Variants in RIPK2 observed in about 807,000 individuals in gnomAD.
RIPK2 encodes receptor-interacting serine/threonine-protein kinase 2.
Under a neutral mutation model 60.9 loss-of-function variants are expected in RIPK2, and 38 were observed. The observed-to-expected ratio is 0.62, with a 90% CI of 0.48 to 0.82. The LOEUF (loss-of-function observed/expected upper bound fraction) is 0.82, where lower values mean the gene tolerates loss of function less well. Among genes scored for constraint, RIPK2 ranks in the 40% least tolerant of loss-of-function variants. RIPK2 has a pLI of 0.00. For missense variants in RIPK2, 518 were observed against 647.0 expected (o/e 0.80, Z 2.16); for synonymous variants, 225 against 223.4 (o/e 1.01, Z -0.06).
chr8:89,781,735 A>T (rs543054691), intron 7 of RIPK2, among the ~76,000 whole-genome samples: 11 of 152,202 alleles, frequency 7.2e-5, no homozygotes, highest in African/African-American at 2.4e-4. Context: ...GTAGCACTGA[A>T]CCCTATGTAT....
chr8:89,778,034 G>A (rs1354751007), intron 6 of RIPK2, among the ~76,000 whole-genome samples: 2 of 151,670 alleles, frequency 1.3e-5, no homozygotes, highest in African/African-American at 4.8e-5. Flanking sequence ...CAAACCTACT[G>A]AAAAGAAATG....
chr8:89,786,032 C>T (rs548778109), intron 8 of RIPK2, among the ~76,000 whole-genome samples: 276 of 152,228 alleles, frequency 1.8e-3, no homozygotes, highest in Middle Eastern at 0.017. Flanking sequence ...CATCTGAGAT[C>T]GTGTAGAAAA....
At chr8:89,767,466 C>T (rs1706621280) in intron 3 of RIPK2, among the ~76,000 whole-genome samples, 4 of 151,658 alleles carry the variant, frequency 2.6e-5, no homozygotes, top group South Asian at 4.1e-4. Context: ...AGACACTCCT[C>T]TCCTTAGAAT....
intron 1 of RIPK2, among the ~76,000 whole-genome samples, chr8:89,760,792 G>A (rs1002441933): frequency 6.6e-6 from 1 of 152,214 alleles, no homozygotes; most frequent in African/African-American, 2.4e-5. Context: ...TAGGGTCACA[G>A]TGGAAAGAAG....
At chr8:89,780,194 A>C in intron 7 of RIPK2, 34 bp downstream of exon 7, 1 of 1,083,968 alleles carries the variant, frequency 9.2e-7, no homozygotes, top group Non-Finnish European at 1.4e-6. Context: ...GAAATTAGAA[A>C]TTTAAACAAC....
intron 2 of RIPK2, 50 bp from the exon 3 acceptor site, chr8:89,765,291 A>T (rs753142182): frequency 7.6e-7 from 1 of 1,321,686 alleles, no homozygotes; most frequent in Non-Finnish European, 1.1e-6. Flanking sequence ...TGTGAAACAT[A>T]GTGAAATTTG....
At chr8:89,785,371 G>A (rs1267220822) in intron 8 of RIPK2, among the ~76,000 whole-genome samples, 1 of 151,946 alleles carries the variant, frequency 6.6e-6, no homozygotes, top group Non-Finnish European at 1.5e-5. Context: ...GCTACTCGGG[G>A]GGTTGAGGCA....
At chr8:89,772,980 T>G in intron 6 of RIPK2, 152 bp downstream of exon 6, 1 of 538,168 alleles carries the variant, frequency 1.9e-6, no homozygotes, top group Non-Finnish European at 3.2e-6. Context: ...TATATATGAG[T>G]AACTCCTTCT....
chr8:89,762,662 G>C (rs1809164520), intron 1 of RIPK2, among the ~76,000 whole-genome samples, 167 bp from the exon 2 acceptor site: 1 of 152,034 alleles, frequency 6.6e-6, no homozygotes, highest in South Asian at 2.1e-4. Flanking sequence ...ATATAGGGTA[G>C]GTATTATTTC....
Position 89,762,928 on chromosome 8 carries a change from G to C in RIPK2, c.273G>C (p.Leu91Phe). ...GAATTTGCAATGAGCCTGAATTTTT[G>C]GGAATAGTTACTGAATACATGCCAA... ...ILGICNEPEF[L>F]GIVTEYMPNG... The change falls in exon 2 of 11, where the codon TTG becomes TTC. Residue 91 changes from leucine to phenylalanine, a missense_variant. Transcript: ENST00000220751. 1 of 1,534,738 alleles carries C rather than the reference G, an allele frequency of 6.5e-7. No individual in the cohort carries two copies. The highest frequency in any genetic ancestry group is 1.7e-4 in the Middle Eastern group (1 of 5,780).
intron 5 of RIPK2, 29 bp downstream of exon 5, chr8:89,771,819 A>G: frequency 7.0e-7 from 1 of 1,421,734 alleles, no homozygotes; most frequent in South Asian, 1.2e-5. Context: ...TTTTATGCTC[A>G]ATAACATCAT....
At chr8:89,774,103 GA>G (rs907699631) in intron 6 of RIPK2, among the ~76,000 whole-genome samples, 92 of 143,788 alleles carry the variant, frequency 6.4e-4, no homozygotes, top group Middle Eastern at 3.2e-3. Flanking sequence ...TTCCAAGAAG[GA>G]AAAAAAAAAG....
chr8:89,777,110 G>T (rs1809410748), intron 6 of RIPK2, among the ~76,000 whole-genome samples: 1 of 152,190 alleles, frequency 6.6e-6, no homozygotes, highest in African/African-American at 2.4e-5. Context: ...TGCACCAGAA[G>T]GGAAAAGGTA....
chr8:89,784,256 CT>C, intron 8 of RIPK2, 117 bp downstream of exon 8: 1 of 601,240 alleles, frequency 1.7e-6, no homozygotes. Context: ...GCCCAGGGAG[CT>C]TTTAGGATTT....
chr8:89,759,707 T>C (rs1239852346), intron 1 of RIPK2, among the ~76,000 whole-genome samples: 2 of 152,228 alleles, frequency 1.3e-5, no homozygotes, highest in Non-Finnish European at 2.9e-5. Flanking sequence ...TGTGTATATG[T>C]GTCTGTAGTC....
At position 89,758,378 on chromosome 8, in the gene RIPK2, G is replaced by T. The variant is rs913267741; in HGVS notation, c.173+145G>T. On this transcript the variant is annotated intron_variant, in intron 1 of 10. Transcript: ENST00000220751. ...CACCTCTAGGGAGCCCTTCAAGCTT[G>T]GGAGATAGGGAGCACCCACCCTTCA... 1.4e-5 allele frequency: 11 copies of T among 790,016 alleles called. No individual in the cohort carries two copies. In the Admixed American group the frequency reaches 1.9e-4, roughly 13 times the overall value. The allele number at this position is 790,016 out of a possible 1,614,324, so 48.9% of individuals were successfully genotyped here. A position where few individuals can be genotyped will look rare whatever the true frequency, so the allele number is the denominator to read the frequency against.
chr8:89,779,440 G>A (rs944240664), intron 6 of RIPK2, among the ~76,000 whole-genome samples: 16 of 146,766 alleles, frequency 1.1e-4, no homozygotes, highest in Non-Finnish European at 1.0e-4. Context: ...TCAGCCTCCC[G>A]AGTAGCTGGG....
rs894761828 is a variant in RIPK2 at position 89,789,440 on chromosome 8, T to C, written c.1243T>C (p.Ser415Pro). 1.2e-6 allele frequency: 2 copies of C among 1,614,032 alleles called. No homozygotes were observed. Among genetic ancestry groups the C allele is most frequent in the Admixed American group, 3.3e-5 (2 of 60,016 alleles). ...AFCDHKTTPC[S>P]SAIINPLSTA... The stretch of plus-strand genomic sequence containing the variant: ...CTGTGATCACAAGACCACTCCATGC[T>C]CTTCAGCAATAATAAATCCACTCTC... The change falls in exon 10 of 11, where the codon TCT (serine) becomes CCT (proline). Residue 415 changes from serine (S) to proline (P), a missense_variant. Physicochemically the swap from Ser to Pro is moderately conservative, Grantham distance 74. Around this residue, in one of 3 missense-constraint regions of RIPK2, gnomAD observed 448 missense variants for 534.7 expected, o/e 0.84. Transcript: ENST00000220751.
intron 3 of RIPK2, among the ~76,000 whole-genome samples, chr8:89,768,041 GA>G (rs1297330355): frequency 1.3e-5 from 2 of 151,646 alleles, no homozygotes; most frequent in African/African-American, 4.8e-5. Context: ...AGACTTTAGT[GA>G]AAGTGTCATT....
Sources: gnomAD v4.1 joint callset for allele counts (sites outside exome capture counted in the v4.1 genomes callset) on GRCh38, gnomAD v4.1.1 for gene constraint, gnomAD v4.1.1 regional missense constraint, MANE v1.5 for transcripts, NCBI Gene and HGNC (gene_info 2026-07-23, HGNC 2026-07-21) for gene names.